Variants in OSBPL1A observed in about 807,000 individuals in gnomAD.
OSBPL1A encodes the protein oxysterol-binding protein-related protein 1.
Under a neutral mutation model 137.1 loss-of-function variants are expected in OSBPL1A, and 80 were observed. The ratio of observed to expected loss-of-function variants is 0.58; its 90% CI spans 0.49 to 0.70. The LOEUF (loss-of-function observed/expected upper bound fraction) is 0.70. OSBPL1A is among the 30% of genes least tolerant of loss of function. The probability of loss-of-function intolerance (pLI) is 0.00; values close to 1 mark genes in which losing one functional copy is unlikely to be tolerated. For missense variants in OSBPL1A, 970 were observed against 1,129.4 expected (o/e 0.86, Z 2.02); for synonymous variants, 365 against 389.7 (o/e 0.94, Z 0.75).
At chr18:24,306,340 G>T (rs529237602) in intron 13 of OSBPL1A, among the ~76,000 whole-genome samples, 2 of 152,268 alleles carry the variant, frequency 1.3e-5, no homozygotes, top group African/African-American at 2.4e-5. Context: ...AGGGCAGCTC[G>T]AAAATGCATA....
chr18:24,216,858 T>C (rs550251492), intron 17 of OSBPL1A, among the ~76,000 whole-genome samples: 27 of 152,246 alleles, frequency 1.8e-4, no homozygotes, highest in African/African-American at 5.5e-4. Context: ...ACCACTCAGA[T>C]TGTTATTTCT....
At chr18:24,312,969 C>G (rs2090648310) in intron 12 of OSBPL1A, among the ~76,000 whole-genome samples, 1 of 150,738 alleles carries the variant, frequency 6.6e-6, no homozygotes, top group Non-Finnish European at 1.5e-5. Flanking sequence ...ACTAAAAATA[C>G]AAAAATTAGC....
chr18:24,383,373 A>G (rs1159891865), intron 1 of OSBPL1A, among the ~76,000 whole-genome samples: 1 of 152,218 alleles, frequency 6.6e-6, no homozygotes, highest in Non-Finnish European at 1.5e-5. Flanking sequence ...TTTTTATAAC[A>G]TTTTCCTTGG....
intron 17 of OSBPL1A, among the ~76,000 whole-genome samples, chr18:24,212,170 C>A (rs1377946131): frequency 6.6e-6 from 1 of 151,754 alleles, no homozygotes; most frequent in Non-Finnish European, 1.5e-5. Context: ...CAGGTTCAAG[C>A]GATTCCCCTG....
At chr18:24,389,890 C>T (rs1457368651) in intron 1 of OSBPL1A, among the ~76,000 whole-genome samples, 4 of 151,868 alleles carry the variant, frequency 2.6e-5, no homozygotes, top group Non-Finnish European at 2.9e-5. Context: ...GGCAGTGACC[C>T]GAGATCGCAC....
intron 14 of OSBPL1A, among the ~76,000 whole-genome samples, chr18:24,290,405 G>C (rs1175970825): frequency 6.6e-6 from 1 of 152,166 alleles, no homozygotes; most frequent in Non-Finnish European, 1.5e-5. Context: ...GCCTGGCCAG[G>C]CATAGTGGCT....
At chr18:24,264,625 C>G (rs943628993) in intron 15 of OSBPL1A, among the ~76,000 whole-genome samples, 2 of 152,182 alleles carry the variant, frequency 1.3e-5, no homozygotes, top group African/African-American at 4.8e-5. Context: ...TGTTGAGAAC[C>G]TGGAACACAG....
At chr18:24,345,425 G>A (rs1179405276) in intron 4 of OSBPL1A, among the ~76,000 whole-genome samples, 6 of 152,174 alleles carry the variant, frequency 3.9e-5, no homozygotes, top group Non-Finnish European at 8.8e-5. Context: ...TGTGGCTCAC[G>A]CCTGTAATCC....
intron 7 of OSBPL1A, among the ~76,000 whole-genome samples, chr18:24,326,076 AG>A (rs1043136427): frequency 7.9e-5 from 12 of 152,218 alleles, no homozygotes; most frequent in African/African-American, 2.9e-4. Flanking sequence ...AAAGAAAAAA[AG>A]AAAAAAAGAC....
chr18:24,230,810 AC>A (rs1048635613), intron 16 of OSBPL1A, among the ~76,000 whole-genome samples: 1 of 152,202 alleles, frequency 6.6e-6, no homozygotes, highest in African/African-American at 2.4e-5. Flanking sequence ...TATTTACTGA[AC>A]TTTTGATGAG....
At chr18:24,250,346 T>G (rs972447143) in intron 15 of OSBPL1A, among the ~76,000 whole-genome samples, 1 of 152,052 alleles carries the variant, frequency 6.6e-6, no homozygotes, top group African/African-American at 2.4e-5. Context: ...CCAGCTAGTT[T>G]TATAATTTTA....
intron 17 of OSBPL1A, among the ~76,000 whole-genome samples, chr18:24,205,312 C>T (rs1198238889): frequency 6.6e-6 from 1 of 152,124 alleles, no homozygotes; most frequent in Non-Finnish European, 1.5e-5. Context: ...TTCATATGGC[C>T]GTGGTGGAGT....
chr18:24,284,222 A>T (rs2090023593), intron 14 of OSBPL1A, among the ~76,000 whole-genome samples: 1 of 151,756 alleles, frequency 6.6e-6, no homozygotes. Context: ...ATAATGTTAC[A>T]TAAAAAAAAA....
At chr18:24,166,764 C>T in intron 25 of OSBPL1A, 62 bp from the exon 26 acceptor site, 6 of 1,526,668 alleles carry the variant, frequency 3.9e-6, no homozygotes, top group Non-Finnish European at 5.3e-6. Context: ...ATGAAACATC[C>T]TGAAAGTAGA....
chr18:24,227,791 A>G (rs897553562), intron 16 of OSBPL1A, among the ~76,000 whole-genome samples: 4 of 152,038 alleles, frequency 2.6e-5, no homozygotes, highest in Non-Finnish European at 4.4e-5. Flanking sequence ...TTCACTTGAG[A>G]AAAAAAATGT....
At chr18:24,175,104 G>GTGTATATATATATA (rs1491534405) in intron 21 of OSBPL1A, among the ~76,000 whole-genome samples, 540 of 42,612 alleles carry the variant, frequency 0.013, 9 homozygotes, top group South Asian at 0.049. Flanking sequence ...TTTGCCATGT[G>GTGTATATATATATA]TATGTATATA....
chr18:24,243,954 C>T lies in OSBPL1A; in HGVS notation c.1282-4572G>A, dbSNP rs1208972641. Among the ~76,000 whole-genome samples, 4 of 152,134 alleles carry T rather than the reference C, an allele frequency of 2.6e-5. No homozygotes were observed. In the South Asian group the frequency reaches 8.3e-4, roughly 32 times the overall value. ...AAACATCTGAAAGCATGCTTAAGTG[C>T]CATTAGTACTTTTTGGTCAGAAGGA... On this transcript the variant is annotated intron_variant, in intron 15 of 27. Coordinates refer to ENST00000319481, the MANE Select transcript of OSBPL1A (RefSeq NM_080597.4).
chr18:24,343,691 CAT>C (rs1181808485), intron 4 of OSBPL1A, among the ~76,000 whole-genome samples: 43 of 152,178 alleles, frequency 2.8e-4, no homozygotes, highest in African/African-American at 9.9e-4. Flanking sequence ...TGATTTTTGA[CAT>C]AAGTGCCAAG....
Position 24,341,600 on chromosome 18 carries a change from C to A in OSBPL1A, c.341G>T (p.Gly114Val), listed in dbSNP as rs770041891. 6.8e-6 allele frequency: 11 copies of A among 1,613,388 alleles called. No individual in the cohort carries two copies. The highest frequency in any genetic ancestry group is 3.3e-5 in the Admixed American group (2 of 59,914). The stretch of plus-strand genomic sequence containing the variant: ...ATGAGTAACTTCTTTTGCTGTCTGT[C>A]CACTCCCATTAACAATAGTAGTATC... ...NADTTIVNGSGQTAKEVTHAE... is the reference protein window; with the variant it reads ...NADTTIVNGSVQTAKEVTHAE... The change falls in exon 5 of 28, where the codon GGA (glycine) becomes GTA (valine). Residue 114 changes from glycine (G) to valine (V), a missense_variant. Gly to Val is a moderately radical substitution (Grantham distance 109). Transcript: ENST00000319481.
Sources: allele counts gnomAD v4.1 joint callset (sites outside exome capture counted in the v4.1 genomes callset), GRCh38; gene constraint gnomAD v4.1.1; transcripts MANE v1.5; gene names NCBI Gene and HGNC (gene_info 2026-07-23, HGNC 2026-07-21).